Variants in EPHA7 observed in about 807,000 individuals in gnomAD.
EPHA7 encodes EPH receptor A7, also known as ephrin type-A receptor 7.
A neutral mutation model predicts 112.6 loss-of-function variants in EPHA7; 25 were observed. That is an observed-to-expected ratio of 0.22 (90% confidence interval 0.16 to 0.31). The LOEUF (loss-of-function observed/expected upper bound fraction) is 0.31. Ranked by LOEUF, EPHA7 falls within the 10% of genes least tolerant of loss-of-function variation. The probability of loss-of-function intolerance (pLI) is 1.00; values close to 1 mark genes in which losing one functional copy is unlikely to be tolerated. For missense variants in EPHA7, 962 were observed against 1,212.6 expected (o/e 0.79, Z 3.07); for synonymous variants, 437 against 406.5 (o/e 1.07, Z -0.90).
At chr6:93,392,799 G>A (rs1328798897) in intron 3 of EPHA7, among the ~76,000 whole-genome samples, 1 of 151,612 alleles carries the variant, frequency 6.6e-6, no homozygotes, top group East Asian at 1.9e-4. Context: ...TTATTTAAAA[G>A]CAATATGCAT....
chr6:93,317,745 T>C (rs1370386319), intron 5 of EPHA7, among the ~76,000 whole-genome samples: 1 of 152,118 alleles, frequency 6.6e-6, no homozygotes, highest in Admixed American at 6.6e-5. Flanking sequence ...CCTTCAGCTG[T>C]TATAAAGGCA....
chr6:93,373,009 A>G (rs756815654), intron 3 of EPHA7, among the ~76,000 whole-genome samples: 28 of 143,646 alleles, frequency 1.9e-4, no homozygotes, highest in Admixed American at 1.8e-3. Flanking sequence ...TACTCTTACA[A>G]TTTAGAGTGC....
At chr6:93,362,604 T>C (rs866436649) in intron 3 of EPHA7, among the ~76,000 whole-genome samples, 4 of 152,086 alleles carry the variant, frequency 2.6e-5, no homozygotes, top group Non-Finnish European at 4.4e-5. Flanking sequence ...ACATAATCCA[T>C]AGTTGTCTTC....
chr6:93,268,911 T>C (rs1354075045), intron 7 of EPHA7, among the ~76,000 whole-genome samples: 3 of 151,812 alleles, frequency 2.0e-5, no homozygotes, highest in Non-Finnish European at 4.4e-5. Context: ...CTACTTTAAA[T>C]AGATTCCTTA....
intron 5 of EPHA7, among the ~76,000 whole-genome samples, chr6:93,309,961 T>C (rs1195918001): frequency 6.6e-6 from 1 of 152,152 alleles, no homozygotes; most frequent in Non-Finnish European, 1.5e-5. Flanking sequence ...TTTTAAGAGG[T>C]GGATTTTAAT....
At chr6:93,326,706 A>AT (rs1348214472) in intron 5 of EPHA7, among the ~76,000 whole-genome samples, 1 of 147,572 alleles carries the variant, frequency 6.8e-6, no homozygotes, top group African/African-American at 2.6e-5. Flanking sequence ...CTTTCAGAGA[A>AT]TCTATTCTGT....
Position 93,269,560 on chromosome 6 carries a change from G to A in EPHA7, c.1550C>T (p.Ala517Val). ...ATTTCCATAACCAGCAGCAGTAAAA[G>A]CCCGAATCTGGAAAACATACACTGT... ...PGTVYVFQIR[A>V]FTAAGYGNYS... is the part of the protein sequence containing the mutation. The change falls in exon 7 of 17, where the codon GCT becomes GTT. Residue 517 changes from alanine to valine, a missense_variant. This residue lies in a region of EPHA7 where 746 missense variants were observed against 889.2 expected (regional missense o/e 0.84). Transcript: ENST00000369303. 1.2e-6 allele frequency: 2 copies of A among 1,610,686 alleles called. No homozygotes were observed. The highest frequency in any genetic ancestry group is 8.5e-7 in the Non-Finnish European group (1 of 1,178,112).
At chr6:93,398,284 A>G (rs897765999) in intron 3 of EPHA7, among the ~76,000 whole-genome samples, 2 of 151,994 alleles carry the variant, frequency 1.3e-5, no homozygotes, top group Non-Finnish European at 2.9e-5. Flanking sequence ...ACTCTTATAA[A>G]CATCTTGGCT....
At chr6:93,317,239 A>C (rs1382284202) in intron 5 of EPHA7, among the ~76,000 whole-genome samples, 1 of 152,162 alleles carries the variant, frequency 6.6e-6, no homozygotes, top group Non-Finnish European at 1.5e-5. Flanking sequence ...GGAATTTACT[A>C]TAGGGATTTT....
At chr6:93,319,755 T>C (rs1263662105) in intron 5 of EPHA7, among the ~76,000 whole-genome samples, 1 of 152,120 alleles carries the variant, frequency 6.6e-6, no homozygotes, top group Non-Finnish European at 1.5e-5. Context: ...AAAGTGGTCA[T>C]ATTCCATATA....
intron 3 of EPHA7, among the ~76,000 whole-genome samples, chr6:93,383,197 A>G (rs951699538): frequency 3.3e-5 from 5 of 150,516 alleles, no homozygotes; most frequent in Admixed American, 6.6e-5. Context: ...GTGTGTGTGT[A>G]TATATATACA....
chr6:93,369,295 A>C (rs1421944694), intron 3 of EPHA7, among the ~76,000 whole-genome samples: 1 of 152,068 alleles, frequency 6.6e-6, no homozygotes, highest in Non-Finnish European at 1.5e-5. Context: ...CTCCTTCATA[A>C]GAGAAAACCA....
chr6:93,276,025 A>T (rs1455652336), intron 5 of EPHA7, among the ~76,000 whole-genome samples: 5 of 152,074 alleles, frequency 3.3e-5, no homozygotes, highest in African/African-American at 9.7e-5. Flanking sequence ...AGCATGAAGT[A>T]GGGAAAAAGA....
At chr6:93,324,930 A>C (rs1455880075) in intron 5 of EPHA7, among the ~76,000 whole-genome samples, 1 of 151,354 alleles carries the variant, frequency 6.6e-6, no homozygotes, top group Non-Finnish European at 1.5e-5. Context: ...CCTTTTATTG[A>C]TAGATTTTTC....
At chr6:93,299,239 TG>T (rs1203140122) in intron 5 of EPHA7, among the ~76,000 whole-genome samples, 5 of 151,678 alleles carry the variant, frequency 3.3e-5, no homozygotes, top group Non-Finnish European at 5.9e-5. Context: ...GGCAGGAGAA[TG>T]GCGTGAACCC....
chr6:93,263,698 A>G (rs1166763012), intron 9 of EPHA7, among the ~76,000 whole-genome samples, 162 bp downstream of exon 9: 1 of 151,486 alleles, frequency 6.6e-6, no homozygotes, highest in Non-Finnish European at 1.5e-5. Context: ...ACATCACATG[A>G]TTTTAATTCT....
At chr6:93,294,118 C>T (rs1772530327) in intron 5 of EPHA7, among the ~76,000 whole-genome samples, 1 of 152,134 alleles carries the variant, frequency 6.6e-6, no homozygotes, top group Non-Finnish European at 1.5e-5. Flanking sequence ...ACAAAGCTGG[C>T]TTGCTGTAAT....
intron 5 of EPHA7, among the ~76,000 whole-genome samples, chr6:93,304,276 A>G (rs1299407895): frequency 3.3e-5 from 5 of 151,914 alleles, no homozygotes; most frequent in Non-Finnish European, 2.9e-5. Flanking sequence ...ATACAGATGA[A>G]CTTGATTATT....
intron 5 of EPHA7, among the ~76,000 whole-genome samples, chr6:93,297,042 CACA>C (rs1458860745): frequency 6.7e-6 from 1 of 149,684 alleles, no homozygotes; most frequent in Non-Finnish European, 1.5e-5. Context: ...AAATGTATCC[CACA>C]ACATCATGTT....
Sources: gnomAD v4.1 joint callset for allele counts (sites outside exome capture counted in the v4.1 genomes callset) on GRCh38, gnomAD v4.1.1 for gene constraint, gnomAD v4.1.1 regional missense constraint, MANE v1.5 for transcripts, NCBI Gene and HGNC (gene_info 2026-07-23, HGNC 2026-07-21) for gene names.